Variants in USP1 observed in about 807,000 individuals in gnomAD.
USP1 encodes the protein ubiquitin carboxyl-terminal hydrolase 1.
USP1 carries 18 observed loss-of-function variants against 72.2 expected under a neutral mutation model. The ratio of observed to expected loss-of-function variants is 0.25; its 90% CI spans 0.17 to 0.37. The LOEUF (loss-of-function observed/expected upper bound fraction) is 0.37, where lower values mean the gene tolerates loss of function less well. Ranked by LOEUF, USP1 falls within the 10% of genes least tolerant of loss-of-function variation. The pLI is 1.00. For synonymous variants in USP1, 354 were observed against 303.7 expected (o/e 1.17, Z -1.72); for missense variants, 759 against 884.9 (o/e 0.86, Z 1.81).
chr1:62,439,886 A>C lies in USP1; in HGVS notation c.19A>C (p.Ser7Arg), dbSNP rs1645120621. 1 of 1,496,316 alleles carries C rather than the reference A, an allele frequency of 6.7e-7. No homozygotes were observed. Among genetic ancestry groups the C allele is most frequent in the Non-Finnish European group, 8.9e-7 (1 of 1,126,434 alleles). 92.7% of individuals were successfully genotyped at this position (1,496,316 alleles called of 1,614,324 possible). The change falls in exon 2 of 9, where the codon AGT becomes CGT. Residue 7 changes from serine to arginine, a missense_variant. Physicochemically the swap from Ser to Arg is moderately radical, Grantham distance 110. Around this residue, in one of 9 missense-constraint regions of USP1, gnomAD observed 86 missense variants for 82.0 expected, o/e 1.05. Coordinates refer to ENST00000339950, the MANE Select transcript of USP1 (RefSeq NM_003368.5). MPGVIP[S>R]ESNGLSRGSP... Reference sequence around the variant, plus strand: ...GAAAAAAATGCCTGGTGTCATACCTAGTGAAAGTAATGGACTTTCAAGAGG... The same window carrying C: ...GAAAAAAATGCCTGGTGTCATACCTCGTGAAAGTAATGGACTTTCAAGAGG...
intron 1 of USP1, among the ~76,000 whole-genome samples, chr1:62,438,337 A>C (rs1325839710): frequency 6.6e-6 from 1 of 152,192 alleles, no homozygotes; most frequent in Non-Finnish European, 1.5e-5. Flanking sequence ...TTGGTTTATC[A>C]TTCAGAAGAC....
Position 62,442,863 on chromosome 1 carries a change from C to T in USP1, c.397-296C>T, listed in dbSNP as rs946894751. Among the ~76,000 whole-genome samples, 15 of 151,770 alleles carry T rather than the reference C, an allele frequency of 9.9e-5. No homozygotes were observed. The East Asian group carries it at 2.1e-3, about 22-fold the overall frequency. On this transcript the variant is annotated intron_variant, in intron 4 of 8. Transcript: ENST00000339950. ...ACTAAAAATACAAAAACTAGTAGGG[C>T]GTCATGGTGTGAGCCTGTAGTTCCA...
chr1:62,437,046 G>A (rs1645092638), upstream of USP1: 4 of 398,522 alleles, frequency 1.0e-5, no homozygotes, highest in African/African-American at 8.2e-5. Flanking sequence ...TCCTGAGACT[G>A]AGGAAAACGC....
At chr1:62,448,970 C>A (rs1645195051) in intron 8 of USP1, among the ~76,000 whole-genome samples, 1 of 152,110 alleles carries the variant, frequency 6.6e-6, no homozygotes, top group Non-Finnish European at 1.5e-5. Flanking sequence ...GCAGTCTTGA[C>A]CTCCCAGGCT....
intron 2 of USP1, among the ~76,000 whole-genome samples, chr1:62,441,235 T>C (rs1025683956): frequency 1.3e-5 from 2 of 152,202 alleles, no homozygotes; most frequent in Non-Finnish European, 2.9e-5. Context: ...CTCTGTAAAA[T>C]AGGATTAACA....
chr1:62,439,879 C>T lies in USP1; in HGVS notation c.12C>T (p.Val4=). Residue 4 remains valine (V), a synonymous_variant, in exon 2 of 9, where the codon GTC becomes GTT. Transcript: ENST00000339950. The part of the protein sequence containing the change: MPG[V]IPSESNGLSR... Reference sequence around the variant, plus strand: ...ATTTGAAGAAAAAAATGCCTGGTGTCATACCTAGTGAAAGTAATGGACTTT... The same window carrying T: ...ATTTGAAGAAAAAAATGCCTGGTGTTATACCTAGTGAAAGTAATGGACTTT... The T allele has an allele frequency of 6.8e-7, 1 of 1,476,324 alleles. No homozygotes were observed. Among genetic ancestry groups the T allele is most frequent in the Non-Finnish European group, 9.0e-7 (1 of 1,114,656 alleles). The allele number at this position is 1,476,324 out of a possible 1,614,324, so 91.5% of individuals were successfully genotyped here.
At chr1:62,436,939 T>C (rs1645091922), upstream of USP1, 1 of 394,560 alleles carries the variant, frequency 2.5e-6, no homozygotes, top group Admixed American at 4.4e-5. Flanking sequence ...GGCTCCTGCC[T>C]TTCGTGTCTC....
In USP1 at chr1:62,445,265, C is replaced by A. The variant is rs1418199542; in HGVS notation, c.1085C>A (p.Thr362Lys). 6.2e-7 allele frequency: 1 copy of A among 1,612,952 alleles called. No homozygotes were observed. Residue 362 changes from threonine to lysine, a missense_variant, in exon 6 of 9, where the codon ACA becomes AAA. Physicochemically the swap from Thr to Lys is moderately conservative, Grantham distance 78 (BLOSUM62 -1). Transcript: ENST00000339950. Reference protein sequence around the residue: ...LSKFCSLGKITTNQGVKGQSK... With the variant: ...LSKFCSLGKIKTNQGVKGQSK... The stretch of plus-strand genomic sequence containing the variant: ...AAATTTTGTAGTCTGGGAAAAATAA[C>A]AACAAACCAAGGAGTCAAAGGACAA...
At chr1:62,448,171 C>T (rs1400384320) in intron 7 of USP1, among the ~76,000 whole-genome samples, 1 of 152,160 alleles carries the variant, frequency 6.6e-6, no homozygotes, top group South Asian at 2.1e-4. Flanking sequence ...AGGAAATAAT[C>T]ATGAGACAGG....
intron 1 of USP1, among the ~76,000 whole-genome samples, chr1:62,437,619 C>G (rs1645099825): frequency 6.6e-6 from 1 of 151,552 alleles, no homozygotes; most frequent in Non-Finnish European, 1.5e-5. Flanking sequence ...GCCAACTCCG[C>G]GGCGAGGGCG....
chr1:62,448,393 A>G, intron 7 of USP1, 72 bp from the exon 8 acceptor site: 1 of 1,430,488 alleles, frequency 7.0e-7, no homozygotes, highest in Non-Finnish European at 9.6e-7. Context: ...GCTAATTTTG[A>G]ACCTGAAACT....
intron 6 of USP1, among the ~76,000 whole-genome samples, chr1:62,446,067 C>T (rs1044547856): frequency 7.9e-5 from 12 of 152,098 alleles, no homozygotes; most frequent in Admixed American, 6.5e-4. Flanking sequence ...CAGTGTTTGA[C>T]ATAAACTGAT....
intron 6 of USP1, among the ~76,000 whole-genome samples, chr1:62,445,655 TTAAAG>T (rs1193053566): frequency 2.0e-5 from 3 of 152,034 alleles, no homozygotes; most frequent in African/African-American, 2.4e-5. Context: ...TGTAATGTCA[TTAAAG>T]TAATTTTAAT....
At chr1:62,447,300 AC>A (rs767992104) in intron 6 of USP1, 40 bp from the exon 7 acceptor site, 6 of 1,552,340 alleles carry the variant, frequency 3.9e-6, no homozygotes, top group Non-Finnish European at 5.2e-6. Context: ...ATAATGAGAA[AC>A]TAATCTGTAT....
At chr1:62,442,690 T>G (rs1645142150) in intron 4 of USP1, among the ~76,000 whole-genome samples, 1 of 152,192 alleles carries the variant, frequency 6.6e-6, no homozygotes, top group African/African-American at 2.4e-5. Context: ...AAATAGTAAT[T>G]CATAATTCCT....
At chr1:62,446,234 G>C (rs1303383550) in intron 6 of USP1, among the ~76,000 whole-genome samples, 2 of 152,008 alleles carry the variant, frequency 1.3e-5, no homozygotes, top group Non-Finnish European at 2.9e-5. Context: ...TACACAACTA[G>C]CCTATATGGT....
rs776627915 is a variant in USP1 at position 62,448,653 on chromosome 1, G to A, written c.1609G>A (p.Ala537Thr). ...AACTATTCATTTGAAGTGCTTTGCTGCTAGTGGTTTGGAGTAAGTATTGTA... is the reference window on the plus strand; with the variant it reads ...AACTATTCATTTGAAGTGCTTTGCTACTAGTGGTTTGGAGTAAGTATTGTA... ...VITIHLKCFA[A>T]SGLEFDCYGG... Residue 537 changes from alanine (A) to threonine (T), a missense_variant, in exon 8 of 9, where the codon GCT becomes ACT. Coordinates refer to ENST00000339950, the MANE Select transcript of USP1 (RefSeq NM_003368.5). The A allele has an allele frequency of 9.3e-6, 15 of 1,612,626 alleles. No homozygotes were observed. The South Asian group carries it at 1.4e-4, about 15-fold the overall frequency.
At chr1:62,442,147 G>C (rs770799370) in intron 3 of USP1, 48 bp from the exon 4 acceptor site, 23 of 1,220,090 alleles carry the variant, frequency 1.9e-5, no homozygotes, top group Non-Finnish European at 2.7e-5. Flanking sequence ...ATGATTTTAC[G>C]TGTATTGTTT....
At chr1:62,443,086 G>GAGACAA in intron 4 of USP1, 73 bp from the exon 5 acceptor site, 1 of 1,480,272 alleles carries the variant, frequency 6.8e-7, no homozygotes. Context: ...ATTCTTAAGT[G>GAGACAA]AGACAAAGAC....
Sources: gnomAD v4.1 joint callset for allele counts (sites outside exome capture counted in the v4.1 genomes callset) on GRCh38, gnomAD v4.1.1 for gene constraint, gnomAD v4.1.1 regional missense constraint, MANE v1.5 for transcripts, NCBI Gene and HGNC (gene_info 2026-07-23, HGNC 2026-07-21) for gene names.